MALRD1: variants seen among roughly 807,000 people sequenced by gnomAD.
MALRD1 encodes MAM and LDL-receptor class A domain-containing protein 1.
In MALRD1, 247 loss-of-function variants were observed where a neutral mutation model predicts 242.1. The ratio of observed to expected loss-of-function variants is 1.02; its 90% CI spans 0.92 to 1.13. The LOEUF (loss-of-function observed/expected upper bound fraction) is 1.13, where lower values mean the gene tolerates loss of function less well. Among genes scored for constraint, MALRD1 ranks in the 50% most tolerant of loss-of-function variants. The pLI is 0.00. For missense variants in MALRD1, 2,989 were observed against 2,533.1 expected (o/e 1.18, Z -3.86); for synonymous variants, 995 against 866.6 (o/e 1.15, Z -2.60).
At chr10:19,340,756 A>G (rs1033549031) in intron 24 of MALRD1, among the ~76,000 whole-genome samples, 3 of 152,146 alleles carry the variant, frequency 2.0e-5, no homozygotes, top group African/African-American at 7.2e-5. Context: ...ACTGGATGAA[A>G]TGTGCTTCAA....
At chr10:19,642,407 G>C (rs1198037107) in intron 36 of MALRD1, among the ~76,000 whole-genome samples, 1 of 152,074 alleles carries the variant, frequency 6.6e-6, no homozygotes, top group African/African-American at 2.4e-5. Context: ...AAACAAGAAT[G>C]ACAAATTTCT....
In MALRD1 at chr10:19,421,196, T is replaced by C. The variant is rs527570101; in HGVS notation, c.4846-29111T>C. On this transcript the variant is annotated intron_variant, in intron 28 of 39. Coordinates refer to ENST00000454679, the MANE Select transcript of MALRD1 (RefSeq NM_001142308.3). ...TTCCTGTCTCTGAAGATGCTTTTGA[T>C]GCATCTGTTTGTGTGTGTATGTGTA... Among the ~76,000 whole-genome samples the C allele has an allele frequency of 2.0e-5, 3 of 152,330 alleles. No homozygotes were observed. The South Asian group carries it at 6.2e-4, about 32-fold the overall frequency.
chr10:19,585,971 T>C (rs1323627487), intron 33 of MALRD1, among the ~76,000 whole-genome samples: 2 of 152,164 alleles, frequency 1.3e-5, no homozygotes, highest in Admixed American at 6.5e-5. Flanking sequence ...TTCATTTCAT[T>C]CATTTCATCT....
intron 36 of MALRD1, among the ~76,000 whole-genome samples, chr10:19,633,199 G>A (rs1184012112): frequency 6.6e-6 from 1 of 152,000 alleles, no homozygotes; most frequent in Non-Finnish European, 1.5e-5. Context: ...ACACTGCACT[G>A]CAGCCTTGGC....
chr10:19,153,524 T>C (rs2884430), intron 11 of MALRD1, among the ~76,000 whole-genome samples: 83,311 of 151,616 alleles, frequency 0.55, 23,139 homozygotes, highest in Middle Eastern at 0.61. Context: ...GAGACTCTGC[T>C]CCTACAAAAA....
intron 27 of MALRD1, 23 bp from the exon 28 acceptor site, chr10:19,389,429 C>T (rs961571871): frequency 7.8e-6 from 12 of 1,547,796 alleles, no homozygotes; most frequent in Non-Finnish European, 1.0e-5. Context: ...TCGTTCTTCT[C>T]TGAATTCTGT....
intron 4 of MALRD1, among the ~76,000 whole-genome samples, chr10:19,095,097 A>G (rs1046926008): frequency 1.3e-5 from 2 of 152,322 alleles, no homozygotes; most frequent in Middle Eastern, 6.8e-3. Context: ...GATATAAATC[A>G]TATCATTTGT....
At chr10:19,084,214 T>A (rs1835590482) in intron 2 of MALRD1, among the ~76,000 whole-genome samples, 1 of 151,994 alleles carries the variant, frequency 6.6e-6, no homozygotes, top group African/African-American at 2.4e-5. Flanking sequence ...AACGTATGAT[T>A]CAAAGGAAAC....
chr10:19,361,179 G>A (rs1178475012), intron 26 of MALRD1, among the ~76,000 whole-genome samples: 1 of 152,082 alleles, frequency 6.6e-6, no homozygotes, highest in Non-Finnish European at 1.5e-5. Flanking sequence ...CACCAGTGTG[G>A]AACATGTGAA....
At chr10:19,610,353 G>A (rs531822676) in intron 35 of MALRD1, among the ~76,000 whole-genome samples, 2 of 151,780 alleles carry the variant, frequency 1.3e-5, no homozygotes, top group African/African-American at 2.4e-5. Context: ...GTACCCATTG[G>A]CCAACCTCTG....
chr10:19,628,102 ACC>A (rs1298979654), intron 36 of MALRD1, among the ~76,000 whole-genome samples: 12 of 152,174 alleles, frequency 7.9e-5, no homozygotes, highest in African/African-American at 2.9e-4. Flanking sequence ...TCCTGTTTTT[ACC>A]TATTAAAGTG....
intron 32 of MALRD1, among the ~76,000 whole-genome samples, chr10:19,533,880 G>T (rs555949753): frequency 2.6e-5 from 4 of 152,306 alleles, no homozygotes; most frequent in Admixed American, 2.6e-4. Context: ...TACCACGTCC[G>T]TGGGTGACCT....
intron 38 of MALRD1, among the ~76,000 whole-genome samples, chr10:19,728,005 A>G (rs1194401260): frequency 6.6e-6 from 1 of 152,224 alleles, no homozygotes; most frequent in Admixed American, 6.5e-5. Flanking sequence ...TTCATGGAAG[A>G]ATCTGTGGAC....
chr10:19,518,397 G>GA (rs1833731462), intron 31 of MALRD1, among the ~76,000 whole-genome samples: 1 of 152,050 alleles, frequency 6.6e-6, no homozygotes, highest in African/African-American at 2.4e-5. Context: ...TTTCCATAGA[G>GA]AAAAACCAAT....
rs150025806 is a variant in MALRD1 at position 19,264,190 on chromosome 10, C to T, written c.3079+6419C>T. 9.5e-4 allele frequency among the ~76,000 whole-genome samples: 144 copies of T among 152,152 alleles called. 5 individuals carry two copies. In the East Asian group the frequency reaches 0.024, roughly 25 times the overall value. On this transcript the variant is annotated intron_variant, in intron 19 of 39. Transcript: ENST00000454679. ...CCTTTTCTACATTTTTTGACGTGAT[C>T]ATAAGATTTTAAGCCTTCATTCTGT...
chr10:19,514,716 G>C (rs1435366327), intron 31 of MALRD1, among the ~76,000 whole-genome samples: 1 of 152,078 alleles, frequency 6.6e-6, no homozygotes, highest in Non-Finnish European at 1.5e-5. Context: ...AGAAATGAAA[G>C]ATCCCATACA....
intron 29 of MALRD1, among the ~76,000 whole-genome samples, chr10:19,454,433 A>ATATATATATATATATATATATATATAT (rs1835523396): frequency 5.4e-5 from 3 of 55,438 alleles, no homozygotes; most frequent in East Asian, 8.8e-4. Context: ...TATATATATA[A>ATATATATATATATATATATATATATAT]TTATATGATA....
At chr10:19,519,035 T>C (rs1021377860) in intron 31 of MALRD1, among the ~76,000 whole-genome samples, 3 of 152,182 alleles carry the variant, frequency 2.0e-5, no homozygotes, top group Admixed American at 2.0e-4. Context: ...TTTAAAAGCT[T>C]TCTCTCTTTT....
chr10:19,524,430 T>C (rs1834006220), intron 31 of MALRD1, among the ~76,000 whole-genome samples: 1 of 151,974 alleles, frequency 6.6e-6, no homozygotes, highest in South Asian at 2.1e-4. Flanking sequence ...TGAGCCAAGA[T>C]TGTGCCACTG....
Sources: gnomAD v4.1 joint callset for allele counts (sites outside exome capture counted in the v4.1 genomes callset) on GRCh38, gnomAD v4.1.1 for gene constraint, MANE v1.5 for transcripts, NCBI Gene and HGNC (gene_info 2026-07-23, HGNC 2026-07-21) for gene names.